PRKAR1A: variants seen among roughly 807,000 people sequenced by gnomAD.
PRKAR1A encodes cAMP-dependent protein kinase type I-alpha regulatory subunit.
PRKAR1A carries 3 observed loss-of-function variants against 52.0 expected under a neutral mutation model. The observed-to-expected ratio is 0.06, with a 90% CI of 0.03 to 0.15. The LOEUF (loss-of-function observed/expected upper bound fraction) is 0.15. PRKAR1A is among the 10% of genes least tolerant of loss of function. PRKAR1A has a pLI of 1.00. For missense variants in PRKAR1A, 240 were observed against 477.4 expected (o/e 0.50, Z 4.63); for synonymous variants, 188 against 168.4 (o/e 1.12, Z -0.90).
intron 3 of PRKAR1A, 42 bp from the exon 4 acceptor site, chr17:68,523,683 T>G: frequency 6.6e-7 from 1 of 1,509,110 alleles, no homozygotes; most frequent in Non-Finnish European, 9.2e-7. Context: ...TGAAATGTTT[T>G]TGGTTTATGG....
chr17:68,523,778 G>T lies in PRKAR1A; in HGVS notation c.402G>T (p.Lys134Asn), dbSNP rs1383865866. Residue 134 changes from lysine (K) to asparagine (N), a missense_variant, in exon 4 of 11, where the codon AAG becomes AAT. By Grantham distance (94) the Lys-to-Asn change is moderately conservative (BLOSUM62 0). This residue lies in a region of PRKAR1A where 107 missense variants were observed against 290.9 expected (regional missense o/e 0.37). Coordinates refer to ENST00000589228, the MANE Select transcript of PRKAR1A (RefSeq NM_002734.5). ...TMAALAKAIE[K>N]NVLFSHLDDN... ...CCGCTTTAGCCAAAGCCATTGAAAAGAATGTGCTGTTTTCACATCTTGATG... is the reference window on the plus strand; with the variant it reads ...CCGCTTTAGCCAAAGCCATTGAAAATAATGTGCTGTTTTCACATCTTGATG... The T allele has an allele frequency of 6.2e-7, 1 of 1,613,862 alleles. No homozygotes were observed. The highest frequency in any genetic ancestry group is 8.5e-7 in the Non-Finnish European group (1 of 1,179,982).
At chr17:68,510,159 C>CAGAGAGAGAGGAGAGAG (rs2085243940), upstream of PRKAR1A, among the ~76,000 whole-genome samples, 3 of 127,632 alleles carry the variant, frequency 2.4e-5, no homozygotes, top group South Asian at 8.2e-4. Flanking sequence ...TATATGTAGA[C>CAGAGAGAGAGGAGAGAG]AGAGAGAGAG....
intron 2 of PRKAR1A, among the ~76,000 whole-genome samples, chr17:68,522,034 C>T (rs1478526637): frequency 6.6e-6 from 1 of 152,182 alleles, no homozygotes; most frequent in East Asian, 1.9e-4. Flanking sequence ...TGTCTTTTAA[C>T]TTCAAGTTTA....
the PRKAR1A span, among the ~76,000 whole-genome samples, chr17:68,426,691 C>T: frequency 6.6e-6 from 1 of 152,098 alleles, no homozygotes; most frequent in East Asian, 1.9e-4. Flanking sequence ...TGCCAACATG[C>T]CCAGCTAATT....
the PRKAR1A span, chr17:68,426,099 A>C: frequency 6.2e-7 from 1 of 1,612,698 alleles, no homozygotes; most frequent in Non-Finnish European, 8.5e-7. Flanking sequence ...TCTCATCATC[A>C]AGACACACTG....
intron 11 of PRKAR1A, chr17:68,543,814 C>G: frequency 8.8e-7 from 1 of 1,134,546 alleles, no homozygotes; most frequent in Non-Finnish European, 1.3e-6. Context: ...GAAAGGAAAA[C>G]GGGCTTTTAT....
At chr17:68,493,931 C>A in the PRKAR1A span, among the ~76,000 whole-genome samples, 1 of 152,016 alleles carries the variant, frequency 6.6e-6, no homozygotes, top group Admixed American at 6.6e-5. Context: ...CTACTTAAAG[C>A]CCTTGAGTGG....
the PRKAR1A span, among the ~76,000 whole-genome samples, chr17:68,486,408 CTTT>C: frequency 2.3e-4 from 32 of 136,716 alleles, no homozygotes; most frequent in Non-Finnish European, 4.7e-4. Flanking sequence ...TTCTTTCTTT[CTTT>C]CTTTCCTTCC....
At chr17:68,455,077 G>T in the PRKAR1A span, among the ~76,000 whole-genome samples, 1 of 152,124 alleles carries the variant, frequency 6.6e-6, no homozygotes, top group Non-Finnish European at 1.5e-5. Context: ...TGTACCCAAA[G>T]TAGGCTGGGC....
the PRKAR1A span, among the ~76,000 whole-genome samples, chr17:68,442,429 C>A: frequency 2.0e-5 from 3 of 149,266 alleles, no homozygotes; most frequent in African/African-American, 7.5e-5. Context: ...TGCACCACCT[C>A]ACTCCAGCCT....
the PRKAR1A span, among the ~76,000 whole-genome samples, chr17:68,451,477 G>C: frequency 5.9e-5 from 9 of 152,238 alleles, no homozygotes; most frequent in African/African-American, 1.9e-4. Context: ...GCAAGTCAGA[G>C]CAAAGGCAGA....
the PRKAR1A span, among the ~76,000 whole-genome samples, chr17:68,446,063 G>A: frequency 2.0e-5 from 3 of 152,184 alleles, no homozygotes; most frequent in Non-Finnish European, 4.4e-5. Flanking sequence ...CACAAAAGAG[G>A]CAGGCTCTGC....
the PRKAR1A span, among the ~76,000 whole-genome samples, chr17:68,449,048 C>A: frequency 6.6e-6 from 1 of 152,172 alleles, no homozygotes; most frequent in Non-Finnish European, 1.5e-5. Context: ...TCCCTTCCTT[C>A]TCATAAATTT....
the PRKAR1A span, chr17:68,444,553 G>T: frequency 6.2e-7 from 1 of 1,614,014 alleles, no homozygotes; most frequent in Non-Finnish European, 8.5e-7. Flanking sequence ...TTAATGTTGT[G>T]AATATAAATG....
chr17:68,475,232 CTTG>C, the PRKAR1A span, among the ~76,000 whole-genome samples: 1 of 152,160 alleles, frequency 6.6e-6, no homozygotes, highest in Non-Finnish European at 1.5e-5. Context: ...GAATATTATA[CTTG>C]TTGTGGAAAC....
chr17:68,539,879 G>A, intron 11 of PRKAR1A: 1 of 1,613,742 alleles, frequency 6.2e-7, no homozygotes, highest in Non-Finnish European at 8.5e-7. Context: ...ACGTGGGGAA[G>A]CTCACCCTCT....
chr17:68,499,364 G>A, the PRKAR1A span, among the ~76,000 whole-genome samples: 2 of 138,292 alleles, frequency 1.4e-5, no homozygotes, highest in African/African-American at 2.8e-5. Context: ...GTAGAAGGGA[G>A]GAAAAGAGAG....
intron 2 of PRKAR1A, among the ~76,000 whole-genome samples, chr17:68,519,859 G>A (rs1039656149): frequency 2.0e-5 from 3 of 152,184 alleles, no homozygotes; most frequent in African/African-American, 4.8e-5. Flanking sequence ...ATAAATACTC[G>A]TTATTTCAAA....
At chr17:68,450,971 G>A in the PRKAR1A span, 5 of 1,531,448 alleles carry the variant, frequency 3.3e-6, no homozygotes, top group Non-Finnish European at 4.4e-6. Flanking sequence ...CATGACACTG[G>A]GCCCGGCGCA....
Sources: gnomAD v4.1 joint callset for allele counts (sites outside exome capture counted in the v4.1 genomes callset) on GRCh38, gnomAD v4.1.1 for gene constraint, gnomAD v4.1.1 regional missense constraint, MANE v1.5 for transcripts, NCBI Gene and HGNC (gene_info 2026-07-23, HGNC 2026-07-21) for gene names.